DLC1: variants seen among roughly 807,000 people sequenced by gnomAD.
DLC1 encodes the protein DLC1 Rho GTPase activating protein.
In DLC1, 54 loss-of-function variants were observed where a neutral mutation model predicts 140.3. The observed-to-expected ratio is 0.38, with a 90% CI of 0.31 to 0.48. The LOEUF is 0.48. DLC1 is among the 20% of genes least tolerant of loss of function. The pLI is 0.96. For synonymous variants in DLC1, 986 were observed against 728.1 expected, an observed-to-expected ratio of 1.35 and a Z score of -5.70; for missense variants, 2,536 against 1,907.0, an observed-to-expected ratio of 1.33 and a Z score of -6.14.
intron 5 of DLC1, among the ~76,000 whole-genome samples, chr8:13,254,065 T>C (rs1830114242): frequency 6.6e-6 from 1 of 152,120 alleles, no homozygotes; most frequent in Non-Finnish European, 1.5e-5. Flanking sequence ...CTACCAAATA[T>C]TTAGGAGACC....
chr8:13,183,260 A>G (rs1246027553), intron 5 of DLC1, among the ~76,000 whole-genome samples: 2 of 152,244 alleles, frequency 1.3e-5, no homozygotes, highest in Non-Finnish European at 2.9e-5. Context: ...GTCATCTGCA[A>G]ACAGGGACAA....
intron 4 of DLC1, among the ~76,000 whole-genome samples, chr8:13,343,950 C>T (rs892079333): frequency 2.6e-5 from 4 of 152,232 alleles, no homozygotes; most frequent in Non-Finnish European, 5.9e-5. Flanking sequence ...AGAATCAAGG[C>T]ATCAGTGGTC....
Position 13,086,454 on chromosome 8 carries a change from C to T in DLC1, c.4302G>A (p.Arg1434=). Residue 1434 remains arginine (R), a synonymous_variant, in exon 17 of 18, where the codon AGG becomes AGA. Transcript: ENST00000276297. ...ARDYVVLRTW[R]TNLPKGACAL... ...CACAGGCTCCTTTGGGTAAATTAGT[C>T]CTCCAGGTTCTGTAGAGACAAAACC... 6.2e-7 allele frequency: 1 copy of T among 1,613,368 alleles called. No homozygotes were observed. Among genetic ancestry groups the T allele is most frequent in the Non-Finnish European group, 8.5e-7 (1 of 1,179,822 alleles).
At chr8:13,313,109 C>A (rs1480927630) in intron 4 of DLC1, among the ~76,000 whole-genome samples, 1 of 152,136 alleles carries the variant, frequency 6.6e-6, no homozygotes, top group Non-Finnish European at 1.5e-5. Context: ...AAGGCAACGT[C>A]CCTGCTGAAG....
chr8:13,418,874 T>A (rs1381755577), intron 2 of DLC1, among the ~76,000 whole-genome samples: 1 of 152,118 alleles, frequency 6.6e-6, no homozygotes, highest in Non-Finnish European at 1.5e-5. Flanking sequence ...TTTCTTTGTA[T>A]CCTCTTTTAT....
chr8:13,220,912 C>T (rs1042236163), intron 5 of DLC1, among the ~76,000 whole-genome samples: 1 of 152,170 alleles, frequency 6.6e-6, no homozygotes, highest in Non-Finnish European at 1.5e-5. Context: ...GACAGCCTCA[C>T]AGCCAGTCAA....
chr8:13,294,631 A>T (rs1474488218), intron 5 of DLC1, among the ~76,000 whole-genome samples: 1 of 152,198 alleles, frequency 6.6e-6, no homozygotes, highest in Non-Finnish European at 1.5e-5. Context: ...CTACAGAGGA[A>T]GGTGCGTGCT....
At chr8:13,182,413 G>A (rs1416612514) in intron 5 of DLC1, among the ~76,000 whole-genome samples, 1 of 152,002 alleles carries the variant, frequency 6.6e-6, no homozygotes, top group Non-Finnish European at 1.5e-5. Context: ...TGTCCTGAAT[G>A]GTATTGCCTA....
intron 2 of DLC1, among the ~76,000 whole-genome samples, chr8:13,474,010 C>T (rs143642541): frequency 0.026 from 3,921 of 152,258 alleles, 151 homozygotes; most frequent in African/African-American, 0.083. Flanking sequence ...GCATAAGTAA[C>T]GAGGAGCCAA....
chr8:13,411,364 T>G (rs1228793380), intron 2 of DLC1, among the ~76,000 whole-genome samples: 1 of 152,018 alleles, frequency 6.6e-6, no homozygotes, highest in Non-Finnish European at 1.5e-5. Flanking sequence ...GAGGCAAAAC[T>G]ATGGAGAGGG....
At chr8:13,418,575 T>C (rs1387013561) in intron 2 of DLC1, among the ~76,000 whole-genome samples, 1 of 152,198 alleles carries the variant, frequency 6.6e-6, no homozygotes, top group African/African-American at 2.4e-5. Flanking sequence ...TTGATCTATA[T>C]CTCTATTTTG....
At chr8:13,304,982 A>T in intron 5 of DLC1, 1 of 1,066,370 alleles carries the variant, frequency 9.4e-7, no homozygotes, top group Non-Finnish European at 1.1e-6. Flanking sequence ...CAGAACCTTG[A>T]TCAACATTTA....
intron 5 of DLC1, among the ~76,000 whole-genome samples, chr8:13,298,822 T>A (rs917304780): frequency 2.6e-5 from 4 of 152,158 alleles, no homozygotes; most frequent in African/African-American, 9.7e-5. Flanking sequence ...TCAAGCAATA[T>A]ACCCATGCAA....
chr8:13,276,623 C>T (rs1386542575), intron 5 of DLC1: 1 of 1,215,048 alleles, frequency 8.2e-7, no homozygotes, highest in South Asian at 3.5e-5. Context: ...CCGGCGACAC[C>T]CTCGCGGGGC....
chr8:13,240,470 G>T (rs1829495534), intron 5 of DLC1, among the ~76,000 whole-genome samples: 2 of 152,120 alleles, frequency 1.3e-5, no homozygotes, highest in South Asian at 4.1e-4. Context: ...GCCCAGGCTG[G>T]AGTCCAGTTA....
At chr8:13,225,852 C>T (rs141443362) in intron 5 of DLC1, among the ~76,000 whole-genome samples, 2 of 151,944 alleles carry the variant, frequency 1.3e-5, no homozygotes, top group Admixed American at 6.6e-5. Flanking sequence ...CCTGACCTCG[C>T]GATCCGCCTG....
intron 1 of DLC1, among the ~76,000 whole-genome samples, chr8:13,592,858 A>G (rs2117477750): frequency 6.6e-6 from 1 of 152,250 alleles, no homozygotes; most frequent in Middle Eastern, 3.4e-3. Context: ...TTGCCATGTT[A>G]GCGTCCCAAT....
chr8:13,393,254 C>T (rs531443826), intron 4 of DLC1, among the ~76,000 whole-genome samples: 10 of 146,390 alleles, frequency 6.8e-5, no homozygotes, highest in African/African-American at 2.3e-4. Context: ...TAGGGAAAGG[C>T]ATCTCCAGAT....
At chr8:13,345,714 C>A (rs57895135) in intron 4 of DLC1, among the ~76,000 whole-genome samples, 1 of 151,766 alleles carries the variant, frequency 6.6e-6, no homozygotes, top group Non-Finnish European at 1.5e-5. Flanking sequence ...CCTGCCACCA[C>A]GCCTGGCTCA....
Sources: gnomAD v4.1 joint callset for allele counts (sites outside exome capture counted in the v4.1 genomes callset) on GRCh38, gnomAD v4.1.1 for gene constraint, MANE v1.5 for transcripts, NCBI Gene and HGNC (gene_info 2026-07-23, HGNC 2026-07-21) for gene names.